Variants in TMEM132D observed in about 807,000 individuals in gnomAD.
The protein encoded by TMEM132D is transmembrane protein 132D, also known as mature OL transmembrane protein.
In TMEM132D, 21 loss-of-function variants were observed where a neutral mutation model predicts 62.3. That is an observed-to-expected ratio of 0.34 (90% CI 0.24 to 0.49). The LOEUF (loss-of-function observed/expected upper bound fraction) is 0.49, where lower values mean the gene tolerates loss of function less well. Among genes scored for constraint, TMEM132D ranks in the 20% least tolerant of loss-of-function variants. TMEM132D has a pLI of 0.99. For missense variants in TMEM132D, 1,346 were observed against 1,402.8 expected, an observed-to-expected ratio of 0.96 and a Z score of 0.65; for synonymous variants, 621 against 575.6, an observed-to-expected ratio of 1.08 and a Z score of -1.13.
At chr12:129,571,821 G>T (rs1877521746) in intron 2 of TMEM132D, among the ~76,000 whole-genome samples, 1 of 151,872 alleles carries the variant, frequency 6.6e-6, no homozygotes, top group Admixed American at 6.6e-5. Context: ...AATATTTAGG[G>T]ATTTTTTTTA....
chr12:129,635,465 C>A (rs1474555875), intron 2 of TMEM132D, among the ~76,000 whole-genome samples: 1 of 152,212 alleles, frequency 6.6e-6, no homozygotes, highest in Non-Finnish European at 1.5e-5. Flanking sequence ...CACCCCTGTG[C>A]AGTCGCCCTC....
intron 3 of TMEM132D, among the ~76,000 whole-genome samples, chr12:129,427,334 C>T (rs988457336): frequency 8.7e-5 from 13 of 149,476 alleles, no homozygotes; most frequent in African/African-American, 3.0e-4. Context: ...CTCCTTCTCA[C>T]TCATAGGTGG....
chr12:129,572,491 C>G (rs940409718), intron 2 of TMEM132D, among the ~76,000 whole-genome samples: 2 of 152,092 alleles, frequency 1.3e-5, no homozygotes, highest in African/African-American at 4.8e-5. Context: ...TCTTGTTGCC[C>G]AGGCTGGAGT....
chr12:129,792,371 A>C (rs2137299484), intron 1 of TMEM132D, among the ~76,000 whole-genome samples: 1 of 152,286 alleles, frequency 6.6e-6, no homozygotes, highest in African/African-American at 2.4e-5. Flanking sequence ...AAACGGGATC[A>C]ATGTGTATGT....
chr12:129,193,620 A>G (rs565834190), intron 5 of TMEM132D, among the ~76,000 whole-genome samples: 2 of 152,382 alleles, frequency 1.3e-5, no homozygotes, highest in Admixed American at 1.3e-4. Flanking sequence ...AACTGGAAAT[A>G]CCATAAAAGG....
In TMEM132D at chr12:129,903,465, C is replaced by G; in HGVS notation, c.-126G>C. Reference sequence around the variant, plus strand: ...GGGAGCGCCCGGCTAGGGGCCCGAGCAGCCCGGGCGCCCTGCTCCCTCTTC... The same window carrying G: ...GGGAGCGCCCGGCTAGGGGCCCGAGGAGCCCGGGCGCCCTGCTCCCTCTTC... On this transcript the variant is annotated 5_prime_UTR_variant, in exon 1 of 9. Coordinates refer to ENST00000422113, the MANE Select transcript of TMEM132D (RefSeq NM_133448.3). This position sits in a 1 kb window ranked among gnomAD's most constrained non-coding sequence, Gnocchi z 6.2. 12 of 995,404 alleles carry G rather than the reference C, an allele frequency of 1.2e-5. No homozygotes were observed. The South Asian group carries it at 1.7e-4, about 14-fold the overall frequency. The allele number at this position is 995,404 out of a possible 1,614,324, so 61.7% of individuals were successfully genotyped here.
intron 1 of TMEM132D, among the ~76,000 whole-genome samples, chr12:129,706,052 A>G (rs1339188545): frequency 6.6e-6 from 1 of 152,112 alleles, no homozygotes; most frequent in East Asian, 1.9e-4. Context: ...GAGAGAGGAC[A>G]GAAACAGTTT....
chr12:129,274,358 G>A (rs1296813098), intron 4 of TMEM132D, among the ~76,000 whole-genome samples: 1 of 152,170 alleles, frequency 6.6e-6, no homozygotes, highest in African/African-American at 2.4e-5. Flanking sequence ...CATGGATAGT[G>A]CATTAAACTA....
At chr12:129,819,091 A>G (rs998620225) in intron 1 of TMEM132D, among the ~76,000 whole-genome samples, 2 of 152,106 alleles carry the variant, frequency 1.3e-5, no homozygotes, top group African/African-American at 4.8e-5. Flanking sequence ...CCTCTGCTAA[A>G]TGCACACAAC....
chr12:129,373,549 G>A (rs978079849), intron 3 of TMEM132D, among the ~76,000 whole-genome samples: 23 of 152,134 alleles, frequency 1.5e-4, no homozygotes, highest in Non-Finnish European at 2.1e-4. Flanking sequence ...GGAGAATGGC[G>A]TGAACCCGGG....
rs1308251139 is a variant in TMEM132D at position 129,073,834 on chromosome 12, G to A, written c.*41C>T. 1.3e-6 allele frequency: 2 copies of A among 1,485,392 alleles called. No individual in the cohort carries two copies. The allele number at this position is 1,485,392 out of a possible 1,614,324, so 92.0% of individuals were successfully genotyped here. Reference sequence around the variant, plus strand: ...GTTGCTACACATCCTGGAATTAAAGGCTGAAAGGTGAGTGAGAACCAATGT... The same window carrying A: ...GTTGCTACACATCCTGGAATTAAAGACTGAAAGGTGAGTGAGAACCAATGT... On this transcript the variant is annotated 3_prime_UTR_variant, in exon 9 of 9. Coordinates refer to ENST00000422113, the MANE Select transcript of TMEM132D (RefSeq NM_133448.3).
intron 5 of TMEM132D, among the ~76,000 whole-genome samples, chr12:129,129,414 C>T (rs553426180): frequency 6.6e-6 from 1 of 152,110 alleles, no homozygotes; most frequent in Non-Finnish European, 1.5e-5. Context: ...TTGGTTGATC[C>T]CATGTCTGCT....
At chr12:129,181,015 C>A (rs1878051241) in intron 5 of TMEM132D, among the ~76,000 whole-genome samples, 1 of 151,964 alleles carries the variant, frequency 6.6e-6, no homozygotes, top group South Asian at 2.1e-4. Flanking sequence ...ATATGGAAAC[C>A]AGTTATGAGG....
At chr12:129,411,149 T>C (rs2135705902) in intron 3 of TMEM132D, among the ~76,000 whole-genome samples, 1 of 152,318 alleles carries the variant, frequency 6.6e-6, no homozygotes, top group African/African-American at 2.4e-5. Flanking sequence ...CCTGGCAATT[T>C]TCCAGGTACA....
At chr12:129,874,084 G>A (rs943344854) in intron 1 of TMEM132D, among the ~76,000 whole-genome samples, 3 of 152,146 alleles carry the variant, frequency 2.0e-5, no homozygotes, top group Non-Finnish European at 2.9e-5. Context: ...AAGCACCAAC[G>A]TGCAGCACTT....
At chr12:129,142,536 T>G (rs1876775212) in intron 5 of TMEM132D, among the ~76,000 whole-genome samples, 1 of 152,218 alleles carries the variant, frequency 6.6e-6, no homozygotes, top group African/African-American at 2.4e-5. Flanking sequence ...GTGATTCTAA[T>G]TATATGTTTA....
chr12:129,117,578 A>AG (rs35858434), intron 5 of TMEM132D, among the ~76,000 whole-genome samples: 143,735 of 152,210 alleles, frequency 0.94, 68,206 homozygotes, highest in Non-Finnish European at 1. Context: ...CATGACCTTA[A>AG]GAAATGGCCC....
chr12:129,479,628 C>T (rs1874375063), intron 3 of TMEM132D, among the ~76,000 whole-genome samples: 1 of 152,204 alleles, frequency 6.6e-6, no homozygotes, highest in African/African-American at 2.4e-5. Context: ...GTTAACCTTA[C>T]AGTATGTGAG....
chr12:129,592,071 G>T (rs535361732), intron 2 of TMEM132D, among the ~76,000 whole-genome samples: 4 of 151,876 alleles, frequency 2.6e-5, no homozygotes. Flanking sequence ...AATCTGATCC[G>T]ATTTCCATTA....
Sources: allele counts gnomAD v4.1 joint callset (sites outside exome capture counted in the v4.1 genomes callset), GRCh38; gene constraint gnomAD v4.1.1; non-coding constraint Gnocchi (gnomAD v3.1); transcripts MANE v1.5; gene names NCBI Gene and HGNC (gene_info 2026-07-23, HGNC 2026-07-21).